Variants in RNF144B observed in about 807,000 individuals in gnomAD.
The protein encoded by RNF144B is ring finger protein 144B, also known as E3 ubiquitin-protein ligase RNF144B.
Under a neutral mutation model 40.2 loss-of-function variants are expected in RNF144B, and 25 were observed. The observed-to-expected ratio is 0.62, with a 90% CI of 0.45 to 0.87. RNF144B has a LOEUF of 0.87. RNF144B is among the 40% of genes least tolerant of loss of function. RNF144B has a pLI of 0.00. For synonymous variants in RNF144B, 145 were observed against 136.3 expected, an observed-to-expected ratio of 1.06 and a Z score of -0.44; for missense variants, 365 against 373.7, an observed-to-expected ratio of 0.98 and a Z score of 0.19.
chr6:18,411,836 A>G (rs924873996), intron 2 of RNF144B, among the ~76,000 whole-genome samples: 3 of 152,124 alleles, frequency 2.0e-5, no homozygotes, highest in South Asian at 4.1e-4. Flanking sequence ...GTACTTACGC[A>G]CATCACTTAA....
intron 1 of RNF144B, among the ~76,000 whole-genome samples, chr6:18,392,207 CA>C (rs954327655): frequency 6.2e-5 from 9 of 144,990 alleles, no homozygotes; most frequent in East Asian, 6.0e-4. Context: ...GACTCCGTCT[CA>C]AAAAAAAAAC....
At chr6:18,462,662 G>GTTT (rs5874643) in intron 6 of RNF144B, among the ~76,000 whole-genome samples, 1 of 146,462 alleles carries the variant, frequency 6.8e-6, no homozygotes, top group East Asian at 2.0e-4. Context: ...TGAGGTCCAA[G>GTTT]TTTTTTTTTT....
In RNF144B at chr6:18,399,555, C is replaced by G; in HGVS notation, c.21C>G (p.Leu7=). Residue 7 remains leucine, a synonymous_variant, in exon 2 of 8, where the codon CTC becomes CTG. Coordinates refer to ENST00000259939, the MANE Select transcript of RNF144B (RefSeq NM_182757.4). ...GGCTGATGGGCTCAGCTGGTAGGCT[C>G]CACTATCTCGCCATGACTGCTGAAA... MGSAGR[L]HYLAMTAENP... The G allele has an allele frequency of 6.2e-7, 1 of 1,614,102 alleles. No individual in the cohort carries two copies. The highest frequency in any genetic ancestry group is 8.5e-7 in the Non-Finnish European group (1 of 1,179,986).
rs191161846 is a variant in RNF144B at position 18,455,771 on chromosome 6, G to T, written c.332-1384G>T. ...TTTGCAAACACTTAAATAGATGGCT[G>T]TCAGTTCTCCAACTCTATCTTCTTT... On this transcript the variant is annotated intron_variant, in intron 4 of 7. Coordinates refer to ENST00000259939, the MANE Select transcript of RNF144B (RefSeq NM_182757.4). 5.9e-5 allele frequency among the ~76,000 whole-genome samples: 9 copies of T among 152,250 alleles called. No homozygotes were observed. In the East Asian group the frequency reaches 1.5e-3, roughly 26 times the overall value.
chr6:18,423,454 C>T (rs146947704), intron 2 of RNF144B, among the ~76,000 whole-genome samples: 23 of 152,246 alleles, frequency 1.5e-4, no homozygotes, highest in Non-Finnish European at 2.5e-4. Context: ...CCTGCCCACT[C>T]CTGTGATTTG....
rs1270353820 is a variant in RNF144B at position 18,399,683 on chromosome 6, G to A, written c.149G>A (p.Cys50Tyr). The change falls in exon 2 of 8, where the codon TGC becomes TAC. Residue 50 changes from cysteine to tyrosine, a missense_variant. Cys to Tyr is a radical substitution (Grantham distance 194). Transcript: ENST00000259939. ...DKMTTLQECQ[C>Y]IFCTACLKQY... is the part of the protein sequence containing the mutation. ...ATGACCACACTCCAGGAATGCCAGTGCATCTTTTGCACAGCTGTGAGTTTT... is the reference window on the plus strand; with the variant it reads ...ATGACCACACTCCAGGAATGCCAGTACATCTTTTGCACAGCTGTGAGTTTT... The A allele has an allele frequency of 6.2e-6, 10 of 1,613,536 alleles. No homozygotes were observed. The highest frequency in any genetic ancestry group is 8.5e-6 in the Non-Finnish European group (10 of 1,179,584).
rs1367082692 is a variant in RNF144B at position 18,464,682 on chromosome 6, G to T, written c.772-245G>T. On this transcript the variant is annotated intron_variant, in intron 7 of 7. Transcript: ENST00000259939. This position sits in a 1 kb window ranked among gnomAD's most constrained non-coding sequence, Gnocchi z 6.1. ...ATGGCATAGAGCCTAGAGAAAGAAA[G>T]CAAGCTCTCTGGCATCTGTTCTTGT... 6.6e-6 allele frequency among the ~76,000 whole-genome samples: 1 copy of T among 152,156 alleles called. No homozygotes were observed. Among genetic ancestry groups the T allele is most frequent in the Non-Finnish European group, 1.5e-5 (1 of 68,036 alleles).
At chr6:18,429,022 A>G (rs1214032216) in intron 3 of RNF144B, among the ~76,000 whole-genome samples, 2 of 151,936 alleles carry the variant, frequency 1.3e-5, no homozygotes, top group Non-Finnish European at 2.9e-5. Flanking sequence ...CAAGACCCCC[A>G]TATCTACAAA....
In RNF144B at chr6:18,442,913, C is replaced by T. The variant is rs1039068445; in HGVS notation, c.331+3169C>T. On this transcript the variant is annotated intron_variant, in intron 4 of 7. Coordinates refer to ENST00000259939, the MANE Select transcript of RNF144B (RefSeq NM_182757.4). This position sits in a 1 kb window ranked among gnomAD's most constrained non-coding sequence, Gnocchi z 4.3. ...TGAATAACCTATTGTATGTTTTTAA[C>T]GTCATTTTGTTTATTCATCTGTTGA... Among the ~76,000 whole-genome samples the T allele has an allele frequency of 2.0e-5, 3 of 152,060 alleles. No homozygotes were observed. Among genetic ancestry groups the T allele is most frequent in the Non-Finnish European group, 2.9e-5 (2 of 68,018 alleles).
In RNF144B at chr6:18,410,194, G is replaced by A. The variant is rs576829583; in HGVS notation, c.165+10495G>A. On this transcript the variant is annotated intron_variant, in intron 2 of 7. Transcript: ENST00000259939. The surrounding 1 kb of genome is among the most constrained non-coding windows in gnomAD (Gnocchi z 4.6). ...TTGCCACTAAGTCACCAAAGTTTAT[G>A]TATTTCTTCTTTTGAAGTTGCACCC... Among the ~76,000 whole-genome samples, 45 of 152,276 alleles carry A rather than the reference G, an allele frequency of 3.0e-4. No individual in the cohort carries two copies. The highest frequency in any genetic ancestry group is 9.9e-4 in the African/African-American group (41 of 41,562).
chr6:18,421,135 C>T (rs1441673350), intron 2 of RNF144B, among the ~76,000 whole-genome samples: 1 of 151,846 alleles, frequency 6.6e-6, no homozygotes, highest in East Asian at 1.9e-4. Flanking sequence ...CACCTGTGGT[C>T]CCAGCTACTC....
At chr6:18,427,441 A>G in intron 2 of RNF144B, 140 bp from the exon 3 acceptor site, 1 of 565,326 alleles carries the variant, frequency 1.8e-6, no homozygotes. Flanking sequence ...TAGTATTCAC[A>G]CTTGTGATAA....
At position 18,459,600 on chromosome 6, in the gene RNF144B, T is replaced by A; in HGVS notation, c.537-7T>A. ...TGAATGCCATTTCTCATCCATTTTG[T>A]TTCTAGAGCCCTCTTTGGGACAGAT... is the stretch of plus-strand genomic sequence containing the variant. On this transcript the variant is annotated splice_polypyrimidine_tract_variant and splice_region_variant and intron_variant, in intron 5 of 7. Coordinates refer to ENST00000259939, the MANE Select transcript of RNF144B (RefSeq NM_182757.4). The surrounding 1 kb of genome is among the most constrained non-coding windows in gnomAD (Gnocchi z 4.2). The A allele has an allele frequency of 1.9e-6, 3 of 1,612,088 alleles. No individual in the cohort carries two copies. In the South Asian group the frequency reaches 3.3e-5, roughly 18 times the overall value.
Position 18,410,860 on chromosome 6 carries a change from G to A in RNF144B, c.165+11161G>A, listed in dbSNP as rs1470669728. ...GGAGAACAATGTCCTTATCAACTTA[G>A]GATACATGTGTATGGCAGACTGCAG... On this transcript the variant is annotated intron_variant, in intron 2 of 7. Transcript: ENST00000259939. This position sits in a 1 kb window ranked among gnomAD's most constrained non-coding sequence, Gnocchi z 4.6. Among the ~76,000 whole-genome samples, 1 of 152,176 alleles carries A rather than the reference G, an allele frequency of 6.6e-6. No individual in the cohort carries two copies. The highest frequency in any genetic ancestry group is 2.4e-5 in the African/African-American group (1 of 41,448).
intron 2 of RNF144B, among the ~76,000 whole-genome samples, chr6:18,426,592 T>C (rs1047449644): frequency 3.9e-5 from 6 of 152,206 alleles, no homozygotes; most frequent in African/African-American, 1.4e-4. Context: ...ACTTTGTTCC[T>C]GGTGTTCTCC....
rs947839821 is a variant in RNF144B, at chr6:18,400,388, C to A, written c.165+689C>A. Among the ~76,000 whole-genome samples the A allele has an allele frequency of 6.6e-6, 1 of 152,066 alleles. No homozygotes were observed. Among genetic ancestry groups the A allele is most frequent in the African/African-American group, 2.4e-5 (1 of 41,408 alleles). On this transcript the variant is annotated intron_variant, in intron 2 of 7. Coordinates refer to ENST00000259939, the MANE Select transcript of RNF144B (RefSeq NM_182757.4). The surrounding 1 kb of genome is among the most constrained non-coding windows in gnomAD (Gnocchi z 5.6). ...TAATTTACTTTATGTACTGAATTTT[C>A]ATTCATATACTTGTTCATCTTCTAC...
intron 2 of RNF144B, among the ~76,000 whole-genome samples, chr6:18,415,446 G>A (rs1795132271): frequency 6.6e-6 from 1 of 152,072 alleles, no homozygotes; most frequent in South Asian, 2.1e-4. Context: ...GTGTCCTCAC[G>A]TGACAGAAGA....
At chr6:18,409,144 G>A (rs1476788343) in intron 2 of RNF144B, among the ~76,000 whole-genome samples, 4 of 151,802 alleles carry the variant, frequency 2.6e-5, no homozygotes, top group Admixed American at 2.0e-4. Context: ...TTGGGAGGCC[G>A]AGGCGGGTGG....
At position 18,457,151 on chromosome 6, in the gene RNF144B, T is replaced by TTAGAAG. The variant is rs750890868; in HGVS notation, c.332-2_335dup. 1 of 1,609,756 alleles carries TTAGAAG rather than the reference T, an allele frequency of 6.2e-7. No homozygotes were observed. The highest frequency in any genetic ancestry group is 1.1e-5 in the South Asian group (1 of 90,988). ...CCATCACATTTTCTTTCTTTACACTTTAGAAGTTCATCTGGACCCCTACCG... is the reference window on the plus strand; with the variant it reads ...CCATCACATTTTCTTTCTTTACACTTTAGAAGTAGAAGTTCATCTGGACCCCTACCG... On this transcript the variant is annotated splice_polypyrimidine_tract_variant and splice_region_variant and intron_variant, in intron 4 of 7. Coordinates refer to ENST00000259939, the MANE Select transcript of RNF144B (RefSeq NM_182757.4). This position sits in a 1 kb window ranked among gnomAD's most constrained non-coding sequence, Gnocchi z 5.1.
Sources: allele counts gnomAD v4.1 joint callset (sites outside exome capture counted in the v4.1 genomes callset), GRCh38; gene constraint gnomAD v4.1.1; non-coding constraint Gnocchi (gnomAD v3.1); transcripts MANE v1.5; gene names NCBI Gene and HGNC (gene_info 2026-07-23, HGNC 2026-07-21).